Variants in GOLGA8B observed in about 807,000 individuals in gnomAD.
GOLGA8B encodes golgin subfamily A member 8B.
GOLGA8B carries 1 observed loss-of-function variant against 15.6 expected under a neutral mutation model. That is an observed-to-expected ratio of 0.06 (90% CI 0.02 to 0.30). The LOEUF (loss-of-function observed/expected upper bound fraction) is 0.30, where lower values mean the gene tolerates loss of function less well. GOLGA8B is among the 10% of genes least tolerant of loss of function. The pLI is 1.00. For missense variants in GOLGA8B, 17 were observed against 201.3 expected (o/e 0.08, Z 5.54); for synonymous variants, 9 against 80.3 (o/e 0.11, Z 4.75).
intron 1 of GOLGA8B, among the ~76,000 whole-genome samples, chr15:34,575,678 G>T (rs377139282): frequency 5.9e-4 from 89 of 150,674 alleles, no homozygotes; most frequent in Non-Finnish European, 5.0e-4. Flanking sequence ...GGGCTCTGAA[G>T]GGGCAAACCC....
chr15:34,578,659 C>T (rs1312601593), intron 1 of GOLGA8B, among the ~76,000 whole-genome samples: 1 of 152,172 alleles, frequency 6.6e-6, no homozygotes, highest in Non-Finnish European at 1.5e-5. Flanking sequence ...TTTAAAATGA[C>T]AAACAAAGAG....
At chr15:34,559,950 G>GTGGGGCGGTGCGTGGGCA in intron 1 of GOLGA8B, among the ~76,000 whole-genome samples, 1 of 149,964 alleles carries the variant, frequency 6.7e-6, no homozygotes, top group South Asian at 2.1e-4. Context: ...GTGTGTGGTC[G>GTGGGGCGGTGCGTGGGCA]TGGGGCGGTG....
intron 1 of GOLGA8B, among the ~76,000 whole-genome samples, chr15:34,564,527 G>T (rs1888705996): frequency 6.8e-6 from 1 of 146,280 alleles, no homozygotes; most frequent in Non-Finnish European, 1.5e-5. Flanking sequence ...AAGACATTGA[G>T]TCTAGGCCAG....
intron 1 of GOLGA8B, among the ~76,000 whole-genome samples, chr15:34,571,443 G>A (rs1295538286): frequency 6.6e-6 from 1 of 151,888 alleles, no homozygotes; most frequent in Non-Finnish European, 1.5e-5. Flanking sequence ...CTTACCAAAA[G>A]CCACCGTAAC....
intron 1 of GOLGA8B, among the ~76,000 whole-genome samples, chr15:34,583,018 G>T (rs901072274): frequency 6.6e-6 from 1 of 152,176 alleles, no homozygotes; most frequent in Admixed American, 6.5e-5. Context: ...CAGGAAAAGG[G>T]AAGGGGCGAA....
Position 34,527,896 on chromosome 15 carries a change from TCACCCCGCCTGGGGGCTCTACTCAC to T in GOLGA8B, c.1609+1_1609+25del. 6.6e-7 allele frequency: 1 copy of T among 1,512,836 alleles called. No homozygotes were observed. The allele number at this position is 1,512,836 out of a possible 1,614,324, so 93.7% of individuals were successfully genotyped here. ...CTAGCCGCCCCCCGCTCCTGCCTGC[TCACCCCGCCTGGGGGCTCTACTCAC>T]CACCATGCTTGTCGGCAGCCCCGAG... On this transcript the variant is annotated splice_donor_variant and splice_donor_5th_base_variant and intron_variant, in intron 23 of 23. Transcript: ENST00000683415. LOFTEE classifies it high-confidence loss of function.
intron 1 of GOLGA8B, among the ~76,000 whole-genome samples, chr15:34,565,135 CT>C (rs71119971): frequency 0.51 from 54,511 of 106,400 alleles, 15,871 homozygotes; most frequent in Non-Finnish European, 0.59. Flanking sequence ...ATCCAGTTCT[CT>C]TTTTTTTTTT....
chr15:34,564,185 C>T (rs1048401981), intron 1 of GOLGA8B, among the ~76,000 whole-genome samples: 1 of 144,762 alleles, frequency 6.9e-6, no homozygotes, highest in African/African-American at 2.5e-5. Context: ...CACAGGAGAA[C>T]CCTCCACAAA....
chr15:34,525,621 G>A lies in GOLGA8B; in HGVS notation c.*2011C>T, dbSNP rs544749407. 1.4e-4 allele frequency: 21 copies of A among 149,348 alleles called. 1 individual carries two copies. In the South Asian group the frequency reaches 3.9e-3, roughly 28 times the overall value. The allele number at this position is 149,348 out of a possible 1,614,324, so 9.3% of individuals were successfully genotyped here. On this transcript the variant is annotated 3_prime_UTR_variant, in exon 24 of 24. Coordinates refer to ENST00000683415, the MANE Select transcript of GOLGA8B (RefSeq NM_001023567.5). ...CTTTAGGATACAGTTTTAAACCCAC[G>A]GGCTAGAAATCATACCACTATTAGC...
At chr15:34,572,726 T>C (rs1888954975) in intron 1 of GOLGA8B, among the ~76,000 whole-genome samples, 1 of 152,218 alleles carries the variant, frequency 6.6e-6, no homozygotes, top group African/African-American at 2.4e-5. Flanking sequence ...TTCTACATGA[T>C]GCATTTCTGT....
Position 34,527,246 on chromosome 15 carries a change from TA to T in GOLGA8B, c.*385del. On this transcript the variant is annotated 3_prime_UTR_variant, in exon 24 of 24. Coordinates refer to ENST00000683415, the MANE Select transcript of GOLGA8B (RefSeq NM_001023567.5). The stretch of plus-strand genomic sequence containing the variant: ...ATTAGCAAATTTTATCTGAATTCTG[TA>T]ATGAACATCCATGCTGCAATAACAT... 2.9e-6 allele frequency: 1 copy of T among 344,246 alleles called. No individual in the cohort carries two copies. Among genetic ancestry groups the T allele is most frequent in the Non-Finnish European group, 5.5e-6 (1 of 181,526 alleles). 21.3% of individuals were successfully genotyped at this position (344,246 alleles called of 1,614,324 possible).
At chr15:34,581,506 C>A (rs2140359117) in intron 1 of GOLGA8B, 1 of 152,270 alleles carries the variant, frequency 6.6e-6, no homozygotes, top group East Asian at 1.9e-4. Context: ...AGTTGGCAAA[C>A]TGGATATTTA....
chr15:34,573,972 A>C (rs1265237016), intron 1 of GOLGA8B, among the ~76,000 whole-genome samples: 8 of 151,818 alleles, frequency 5.3e-5, no homozygotes, highest in Middle Eastern at 3.4e-3. Context: ...AGACATGTTC[A>C]AAAGAAACAA....
intron 1 of GOLGA8B, among the ~76,000 whole-genome samples, chr15:34,566,692 G>A (rs1888770992): frequency 6.9e-6 from 1 of 144,988 alleles, no homozygotes. Context: ...CAGCGGCGCA[G>A]GAAAACCCCA....
chr15:34,570,799 G>C (rs571233718), intron 1 of GOLGA8B, among the ~76,000 whole-genome samples: 4,607 of 103,236 alleles, frequency 0.045, 492 homozygotes, highest in African/African-American at 0.15. Flanking sequence ...CAAGAGGAGG[G>C]GATGATCCCA....
chr15:34,576,297 C>A (rs1396583731), intron 1 of GOLGA8B, among the ~76,000 whole-genome samples: 11 of 152,182 alleles, frequency 7.2e-5, no homozygotes, highest in Non-Finnish European at 1.0e-4. Flanking sequence ...TAGCACCAGT[C>A]CTCAGTGCTG....
intron 1 of GOLGA8B, among the ~76,000 whole-genome samples, chr15:34,573,488 G>T (rs1358699219): frequency 7.6e-6 from 1 of 131,584 alleles, no homozygotes; most frequent in Non-Finnish European, 1.5e-5. Context: ...AGTAAGCCGA[G>T]ATTGTGCCAC....
intron 1 of GOLGA8B, among the ~76,000 whole-genome samples, chr15:34,559,585 G>GGAGA (rs201691541): frequency 0.035 from 2,410 of 68,144 alleles, 20 homozygotes; most frequent in African/African-American, 0.11. Context: ...TGAGAATGGG[G>GGAGA]GAGAGAGAGA....
chr15:34,577,242 C>A (rs1395210662), intron 1 of GOLGA8B, among the ~76,000 whole-genome samples: 2 of 152,064 alleles, frequency 1.3e-5, no homozygotes, highest in African/African-American at 2.4e-5. Flanking sequence ...TTGCACAATG[C>A]ACACACTTGC....
Sources: allele counts gnomAD v4.1 joint callset (sites outside exome capture counted in the v4.1 genomes callset), GRCh38; gene constraint gnomAD v4.1.1; transcripts MANE v1.5; gene names NCBI Gene and HGNC (gene_info 2026-07-23, HGNC 2026-07-21).